The following SKA3 variants were observed in gnomAD, a reference collection of about 807,000 sequenced individuals.
SKA3 encodes spindle and kinetochore associated complex subunit 3, also known as spindle and kinetochore-associated protein 3.
A neutral mutation model predicts 44.2 loss-of-function variants in SKA3; 39 were observed. The observed-to-expected ratio is 0.88, with a 90% CI of 0.68 to 1.15. SKA3 has a LOEUF of 1.15. Among genes scored for constraint, SKA3 ranks in the 50% most tolerant of loss-of-function variants. The pLI is 0.00. For synonymous variants in SKA3, 192 were observed against 172.0 expected (o/e 1.12, Z -0.91); for missense variants, 511 against 485.8 (o/e 1.05, Z -0.49).
intron 5 of SKA3, among the ~76,000 whole-genome samples, chr13:21,161,054 G>A (rs561412891): frequency 2.0e-5 from 3 of 152,216 alleles, no homozygotes; most frequent in South Asian, 2.1e-4. Context: ...CCCAAGAGGC[G>A]GAGGTTGCAA....
At chr13:21,174,875 AC>A (rs1435640861) in intron 1 of SKA3, among the ~76,000 whole-genome samples, 1 of 152,150 alleles carries the variant, frequency 6.6e-6, no homozygotes, top group Non-Finnish European at 1.5e-5. Flanking sequence ...ATGCAACTGT[AC>A]TACATTGAGA....
chr13:21,173,231 C>G (rs1479705971), intron 1 of SKA3, among the ~76,000 whole-genome samples: 2 of 152,158 alleles, frequency 1.3e-5, no homozygotes. Flanking sequence ...TCTCTCCCTT[C>G]CCCACAAGGG....
In SKA3 at chr13:21,161,839, A is replaced by G; in HGVS notation, c.780T>C (p.Asp260=). 1 of 1,612,722 alleles carries G rather than the reference A, an allele frequency of 6.2e-7. No individual in the cohort carries two copies. The highest frequency in any genetic ancestry group is 8.5e-7 in the Non-Finnish European group (1 of 1,179,170). The change falls in exon 5 of 9, where the codon GAT becomes GAC. Residue 260 remains aspartate (D), a synonymous_variant. Transcript: ENST00000314759. ...EAIDTESRLN[D]NVFATPSPII... ...TGGGGCTGGGAGTGGCAAAAACATT[A>G]TCATTGAGCCTGGATTCTGTATCTA...
intron 6 of SKA3, 44 bp downstream of exon 6, chr13:21,159,858 T>C (rs1311362739): frequency 1.4e-6 from 2 of 1,459,284 alleles, no homozygotes; most frequent in Admixed American, 3.9e-5. Flanking sequence ...TGTATTTGAG[T>C]CTTTAGGAGA....
At chr13:21,173,453 C>T (rs1392854799) in intron 1 of SKA3, among the ~76,000 whole-genome samples, 1 of 152,172 alleles carries the variant, frequency 6.6e-6, no homozygotes. Context: ...ATGGGGGTTT[C>T]ACCATGTTGG....
At position 21,168,067 on chromosome 13, in the gene SKA3, G is replaced by A. The variant is rs1260721095; in HGVS notation, c.664C>T (p.His222Tyr). ...ATAGTATATTCAGAGATACCAAAGT[G>A]TTCTAATTTAGGAGTTACACACTCA... ...DFECVTPKLEHFGISEYTMCL... is the reference protein window; with the variant it reads ...DFECVTPKLEYFGISEYTMCL... The change falls in exon 4 of 9, where the codon CAC (histidine) becomes TAC (tyrosine). Residue 222 changes from histidine to tyrosine, a missense_variant. Coordinates refer to ENST00000314759, the MANE Select transcript of SKA3 (RefSeq NM_145061.6). 1 of 1,613,898 alleles carries A rather than the reference G, an allele frequency of 6.2e-7. No homozygotes were observed. Among genetic ancestry groups the A allele is most frequent in the South Asian group, 1.1e-5 (1 of 91,048 alleles).
chr13:21,161,737 A>G, intron 5 of SKA3, 53 bp downstream of exon 5: 1 of 1,178,528 alleles, frequency 8.5e-7, no homozygotes, highest in South Asian at 1.7e-5. Context: ...AATTTTGTTC[A>G]AAGATAGTTT....
intron 4 of SKA3, among the ~76,000 whole-genome samples, chr13:21,162,177 T>C (rs919749402): frequency 6.6e-6 from 1 of 152,194 alleles, no homozygotes; most frequent in African/African-American, 2.4e-5. Flanking sequence ...CTTGCCATTT[T>C]TTTAAGACTA....
At chr13:21,155,452 G>A (rs976649004) in intron 8 of SKA3, among the ~76,000 whole-genome samples, 1 of 150,656 alleles carries the variant, frequency 6.6e-6, no homozygotes, top group African/African-American at 2.4e-5. Context: ...CTGTTGCCAG[G>A]CTGGAGTGCA....
intron 6 of SKA3, 122 bp downstream of exon 6, chr13:21,159,780 A>G: frequency 1.7e-6 from 1 of 598,628 alleles, no homozygotes; most frequent in Non-Finnish European, 2.8e-6. Context: ...AATGCACTGT[A>G]AATACATCCC....
intron 4 of SKA3, among the ~76,000 whole-genome samples, chr13:21,162,962 C>A (rs1870519522): frequency 6.6e-6 from 1 of 152,158 alleles, no homozygotes; most frequent in Non-Finnish European, 1.5e-5. Flanking sequence ...GTGGAAGAAC[C>A]ACTCGAACCC....
intron 6 of SKA3, 61 bp downstream of exon 6, chr13:21,159,841 G>A: frequency 2.8e-6 from 3 of 1,079,054 alleles, no homozygotes; most frequent in South Asian, 3.9e-5. Flanking sequence ...GAGCCTGCAA[G>A]CAGTAGTGTA....
intron 4 of SKA3, among the ~76,000 whole-genome samples, chr13:21,167,403 TCA>T (rs34949424): frequency 0.072 from 10,980 of 152,242 alleles, 555 homozygotes; most frequent in Non-Finnish European, 0.11. Flanking sequence ...AACTGACAGC[TCA>T]CACTTTATTG....
chr13:21,163,347 CTTAAT>C (rs1198086574), intron 4 of SKA3, among the ~76,000 whole-genome samples: 2 of 152,090 alleles, frequency 1.3e-5, no homozygotes, highest in African/African-American at 4.8e-5. Flanking sequence ...CTTGTGTACT[CTTAAT>C]ATAATTTTTG....
At chr13:21,171,866 A>C (rs7318651) in intron 3 of SKA3, among the ~76,000 whole-genome samples, 139,916 of 152,264 alleles carry the variant, frequency 0.92, 64,554 homozygotes, top group East Asian at 1. Flanking sequence ...CTATGATAGA[A>C]TGCCCTTCAT....
chr13:21,167,754 A>G (rs1376798918), intron 4 of SKA3, among the ~76,000 whole-genome samples: 1 of 150,932 alleles, frequency 6.6e-6, no homozygotes, highest in East Asian at 1.9e-4. Context: ...GTGACAGAGC[A>G]AGCCTCCGTC....
chr13:21,159,252 A>G (rs1457536048), intron 6 of SKA3, among the ~76,000 whole-genome samples: 2 of 152,214 alleles, frequency 1.3e-5, no homozygotes, highest in African/African-American at 4.8e-5. Flanking sequence ...TTGGTTTTCT[A>G]TAGCATTGGT....
At chr13:21,159,169 C>T (rs1870298470) in intron 6 of SKA3, among the ~76,000 whole-genome samples, 1 of 152,112 alleles carries the variant, frequency 6.6e-6, no homozygotes, top group African/African-American at 2.4e-5. Context: ...TTAGAGGCTA[C>T]CATATTGGAC....
chr13:21,154,016 T>C lies in SKA3; in HGVS notation c.*1134A>G, dbSNP rs1208161656. On this transcript the variant is annotated 3_prime_UTR_variant, in exon 9 of 9. Coordinates refer to ENST00000314759, the MANE Select transcript of SKA3 (RefSeq NM_145061.6). Reference sequence around the variant, plus strand: ...TCAAGTTTTGTTTTGGTGACAGTTTTCTGACAAGATTAATAGAGCACAATG... The same window carrying C: ...TCAAGTTTTGTTTTGGTGACAGTTTCCTGACAAGATTAATAGAGCACAATG... 6.6e-6 allele frequency: 1 copy of C among 152,246 alleles called. No homozygotes were observed. Among genetic ancestry groups the C allele is most frequent in the Non-Finnish European group, 1.5e-5 (1 of 68,052 alleles). The allele number at this position is 152,246 out of a possible 1,614,324, so 9.4% of individuals were successfully genotyped here. A position where few individuals can be genotyped will look rare whatever the true frequency, so the allele number is the denominator to read the frequency against.
Sources: gnomAD v4.1 joint callset for allele counts (sites outside exome capture counted in the v4.1 genomes callset) on GRCh38, gnomAD v4.1.1 for gene constraint, MANE v1.5 for transcripts, NCBI Gene and HGNC (gene_info 2026-07-23, HGNC 2026-07-21) for gene names.